Variants in PPFIA2 observed in about 807,000 individuals in gnomAD.
PPFIA2 encodes the protein PPFI scaffold protein A2, also known as liprin-alpha-2.
In PPFIA2, 46 loss-of-function variants were observed where a neutral mutation model predicts 175.5. The ratio of observed to expected loss-of-function variants is 0.26; its 90% confidence interval spans 0.21 to 0.34. The LOEUF is 0.34. PPFIA2 is among the 10% of genes least tolerant of loss of function. PPFIA2 has a pLI of 1.00. For synonymous variants in PPFIA2, 568 were observed against 511.4 expected, an observed-to-expected ratio of 1.11 and a Z score of -1.49; for missense variants, 1,179 against 1,506.1, an observed-to-expected ratio of 0.78 and a Z score of 3.60.
At chr12:81,692,748 T>G (rs533627660) in intron 3 of PPFIA2, among the ~76,000 whole-genome samples, 1 of 152,132 alleles carries the variant, frequency 6.6e-6, no homozygotes, top group Non-Finnish European at 1.5e-5. Flanking sequence ...ACACATAACT[T>G]GTACTGTATC....
intron 24 of PPFIA2, among the ~76,000 whole-genome samples, chr12:81,287,504 G>T (rs1000029064): frequency 6.6e-6 from 1 of 151,870 alleles, no homozygotes; most frequent in Non-Finnish European, 1.5e-5. Flanking sequence ...TTGTATGTTA[G>T]TTGTTTCTGT....
intron 4 of PPFIA2, among the ~76,000 whole-genome samples, chr12:81,641,823 T>G (rs183711892): frequency 1.3e-5 from 2 of 152,298 alleles, no homozygotes; most frequent in Admixed American, 6.5e-5. Flanking sequence ...ACTAAGTGTC[T>G]AAGGAGAACT....
chr12:81,628,865 A>T (rs2063034284), intron 4 of PPFIA2, among the ~76,000 whole-genome samples: 1 of 152,288 alleles, frequency 6.6e-6, no homozygotes, highest in Non-Finnish European at 1.5e-5. Flanking sequence ...TTCAGAAGCC[A>T]TTCTTTTTAG....
At chr12:81,569,558 AT>A (rs1423752739) in intron 4 of PPFIA2, among the ~76,000 whole-genome samples, 1 of 152,164 alleles carries the variant, frequency 6.6e-6, no homozygotes, top group African/African-American at 2.4e-5. Flanking sequence ...TTCAAAATGC[AT>A]TCATTGAAAA....
intron 6 of PPFIA2, among the ~76,000 whole-genome samples, chr12:81,442,848 CAT>C (rs35192542): frequency 0.029 from 399 of 13,952 alleles, 2 homozygotes; most frequent in Non-Finnish European, 0.041. Flanking sequence ...TTTCTGACTT[CAT>C]ATATATATAT....
chr12:81,611,803 T>C (rs1268973197), intron 4 of PPFIA2, among the ~76,000 whole-genome samples: 1 of 152,082 alleles, frequency 6.6e-6, no homozygotes, highest in African/African-American at 2.4e-5. Context: ...CTCCATGCCG[T>C]CTCAAGGCCT....
At chr12:81,316,598 C>A (rs1377168254) in intron 22 of PPFIA2, among the ~76,000 whole-genome samples, 4 of 151,498 alleles carry the variant, frequency 2.6e-5, no homozygotes, top group Non-Finnish European at 5.9e-5. Context: ...CAGAAAAAGT[C>A]AATTTTATAA....
intron 3 of PPFIA2, among the ~76,000 whole-genome samples, chr12:81,734,997 T>C (rs941042419): frequency 7.2e-5 from 11 of 151,868 alleles, no homozygotes; most frequent in Non-Finnish European, 1.6e-4. Context: ...GTAGTGCTGA[T>C]AGTTTGTTAC....
chr12:81,748,421 A>G (rs1273998167), intron 3 of PPFIA2, among the ~76,000 whole-genome samples: 1 of 144,810 alleles, frequency 6.9e-6, no homozygotes, highest in East Asian at 2.1e-4. Context: ...GACATTACCA[A>G]AAATGACTTA....
At chr12:81,715,738 C>T (rs2078524190) in intron 3 of PPFIA2, among the ~76,000 whole-genome samples, 1 of 151,736 alleles carries the variant, frequency 6.6e-6, no homozygotes, top group African/African-American at 2.4e-5. Context: ...AACAATCGTA[C>T]AATCACGATA....
At chr12:81,370,439 C>A (rs2034774556) in intron 11 of PPFIA2, among the ~76,000 whole-genome samples, 1 of 151,912 alleles carries the variant, frequency 6.6e-6, no homozygotes, top group East Asian at 1.9e-4. Context: ...ATGGCTTACT[C>A]TCAGATAGGT....
At chr12:81,439,724 A>T (rs1164968313) in intron 7 of PPFIA2, among the ~76,000 whole-genome samples, 1 of 152,174 alleles carries the variant, frequency 6.6e-6, no homozygotes, top group Non-Finnish European at 1.5e-5. Flanking sequence ...GTCTTTCTAA[A>T]TCTTCATCTC....
intron 4 of PPFIA2, among the ~76,000 whole-genome samples, chr12:81,626,153 T>C (rs2062678808): frequency 6.6e-6 from 1 of 151,700 alleles, no homozygotes; most frequent in South Asian, 2.1e-4. Context: ...GTAGATTAAC[T>C]TTACGTATAT....
intron 4 of PPFIA2, among the ~76,000 whole-genome samples, chr12:81,522,391 T>C (rs752514626): frequency 1.8e-4 from 27 of 152,110 alleles, no homozygotes; most frequent in Admixed American, 5.2e-4. Flanking sequence ...AAAAATATGA[T>C]ATATTAAAAG....
chr12:81,400,063 G>T (rs527789821), intron 8 of PPFIA2, among the ~76,000 whole-genome samples: 134 of 152,236 alleles, frequency 8.8e-4, no homozygotes, highest in African/African-American at 3.0e-3. Context: ...TCAGAACTTA[G>T]TGAGAATGAT....
intron 4 of PPFIA2, among the ~76,000 whole-genome samples, chr12:81,560,800 A>T (rs2069889984): frequency 6.6e-6 from 1 of 152,280 alleles, no homozygotes; most frequent in African/African-American, 2.4e-5. Context: ...CTCTGATTCT[A>T]TTAAGATGGG....
chr12:81,575,207 G>A, intron 4 of PPFIA2, among the ~76,000 whole-genome samples: 1 of 151,832 alleles, frequency 6.6e-6, no homozygotes, highest in Middle Eastern at 3.4e-3. Flanking sequence ...TATCCACAAT[G>A]GAAATAGTTT....
chr12:81,713,767 T>A (rs564866382), intron 3 of PPFIA2, among the ~76,000 whole-genome samples: 1 of 151,372 alleles, frequency 6.6e-6, no homozygotes. Context: ...TTAACCTGAT[T>A]CACTCATCAA....
At chr12:81,285,198 G>T (rs1413309046) in intron 24 of PPFIA2, among the ~76,000 whole-genome samples, 3 of 152,198 alleles carry the variant, frequency 2.0e-5, no homozygotes, top group East Asian at 3.9e-4. Context: ...ATCATTGAAG[G>T]TATTGGCCCC....
Sources: allele counts gnomAD v4.1 joint callset (sites outside exome capture counted in the v4.1 genomes callset), GRCh38; gene constraint gnomAD v4.1.1; transcripts MANE v1.5; gene names NCBI Gene and HGNC (gene_info 2026-07-23, HGNC 2026-07-21).